MAML2: variants seen among roughly 807,000 people sequenced by gnomAD.
The protein encoded by MAML2 is mastermind-like protein 2.
Under a neutral mutation model 96.1 loss-of-function variants are expected in MAML2, and 22 were observed. The observed-to-expected ratio is 0.23, with a 90% CI of 0.16 to 0.33. MAML2 has a LOEUF of 0.33. MAML2 is among the 10% of genes least tolerant of loss of function. The pLI is 1.00. For synonymous variants in MAML2, 561 were observed against 521.3 expected, an observed-to-expected ratio of 1.08 and a Z score of -1.04; for missense variants, 1,367 against 1,392.4, an observed-to-expected ratio of 0.98 and a Z score of 0.29.
In MAML2 at chr11:96,149,432, A is replaced by AAAAAAAAAAT. The variant is rs59453325; in HGVS notation, c.514-55916_514-55915insATTTTTTTTT. Among the ~76,000 whole-genome samples, 98 of 112,592 alleles carry AAAAAAAAAAT rather than the reference A, an allele frequency of 8.7e-4. 13 individuals are homozygous for AAAAAAAAAAT. Among genetic ancestry groups the AAAAAAAAAAT allele is most frequent in the Non-Finnish European group, 1.1e-3 (66 of 57,538 alleles). 73.9% of individuals were successfully genotyped at this position (112,592 alleles called of 152,430 possible). ...ACTCCGTCACAAAAAAAAAAAAAAA[A>AAAAAAAAAAT]TGAGAAGTTAAGTTTTCAGCCAGGC... On this transcript the variant is annotated intron_variant, in intron 1 of 4. Coordinates refer to ENST00000524717, the MANE Select transcript of MAML2 (RefSeq NM_032427.4).
chr11:96,243,928 A>G (rs903241509), intron 1 of MAML2, among the ~76,000 whole-genome samples: 3 of 152,162 alleles, frequency 2.0e-5, no homozygotes, highest in African/African-American at 7.2e-5. Context: ...GGCGTGAGCC[A>G]CCGCGCCCGG....
intron 2 of MAML2, among the ~76,000 whole-genome samples, chr11:96,009,310 G>A (rs534739779): frequency 7.7e-4 from 117 of 152,208 alleles, no homozygotes; most frequent in African/African-American, 2.6e-3. Flanking sequence ...TGATCTGACA[G>A]CTGGGTTCAT....
chr11:96,210,464 T>A (rs1375039320), intron 1 of MAML2, among the ~76,000 whole-genome samples: 2 of 152,200 alleles, frequency 1.3e-5, no homozygotes, highest in Non-Finnish European at 2.9e-5. Flanking sequence ...ACCAAATGAT[T>A]TATCAGTTAC....
intron 1 of MAML2, among the ~76,000 whole-genome samples, chr11:96,257,866 G>A (rs1591100308): frequency 6.6e-6 from 1 of 152,158 alleles, no homozygotes; most frequent in Admixed American, 6.5e-5. Flanking sequence ...CAAAGGGGAT[G>A]GTGAGGACTG....
In MAML2 at chr11:96,141,676, A is replaced by G. The variant is rs547413805; in HGVS notation, c.514-48159T>C. On this transcript the variant is annotated intron_variant, in intron 1 of 4. Transcript: ENST00000524717. ...CTCCGATTGCCTTCCTTCTCCACAC[A>G]TAAGGACCAGGCCTTAGCAATGGGG... Among the ~76,000 whole-genome samples, 94 of 152,342 alleles carry G rather than the reference A, an allele frequency of 6.2e-4. 1 individual carries two copies. The highest frequency in any genetic ancestry group is 2.1e-3 in the African/African-American group (86 of 41,576).
At chr11:96,164,032 T>C (rs11021454) in intron 1 of MAML2, among the ~76,000 whole-genome samples, 15,617 of 151,104 alleles carry the variant, frequency 0.1, 1,093 homozygotes, top group East Asian at 0.26. Flanking sequence ...GGCTATTTTT[T>C]TTTGTTTTTT....
At chr11:96,164,413 C>T (rs1047774529) in intron 1 of MAML2, among the ~76,000 whole-genome samples, 1 of 152,136 alleles carries the variant, frequency 6.6e-6, no homozygotes, top group East Asian at 1.9e-4. Context: ...GGAACCTGGG[C>T]CTGTCCTTTT....
chr11:96,326,359 G>A (rs559410), intron 1 of MAML2, among the ~76,000 whole-genome samples: 1 of 33,270 alleles, frequency 3.0e-5, no homozygotes, highest in Non-Finnish European at 6.0e-5. Context: ...ACACTAAAGC[G>A]TGTGTGTGTG....
chr11:96,338,286 A>T (rs537712376), intron 1 of MAML2, among the ~76,000 whole-genome samples: 2 of 152,394 alleles, frequency 1.3e-5, no homozygotes, highest in African/African-American at 4.8e-5. Context: ...AGATCTGCTC[A>T]AAGCCCTATA....
At chr11:96,091,213 T>A (rs7104742) in intron 2 of MAML2, among the ~76,000 whole-genome samples, 86,552 of 151,996 alleles carry the variant, frequency 0.57, 25,655 homozygotes, top group African/African-American at 0.68. Flanking sequence ...TAACTCAGAC[T>A]TTGGTTTTCC....
chr11:96,264,681 G>A (rs895252115), intron 1 of MAML2, among the ~76,000 whole-genome samples: 6 of 152,038 alleles, frequency 3.9e-5, no homozygotes, highest in African/African-American at 1.4e-4. Flanking sequence ...AATAACGGAG[G>A]GTCCACAAAT....
chr11:96,252,573 G>A (rs558525866), intron 1 of MAML2, among the ~76,000 whole-genome samples: 5 of 152,004 alleles, frequency 3.3e-5, no homozygotes, highest in East Asian at 1.9e-4. Context: ...CTACAGGCGC[G>A]TGTCACCATG....
chr11:96,039,201 G>C (rs1858765854), intron 2 of MAML2, among the ~76,000 whole-genome samples: 1 of 151,998 alleles, frequency 6.6e-6, no homozygotes, highest in Admixed American at 6.6e-5. Context: ...GTTTCAGGGA[G>C]CCATGATTGC....
At chr11:96,017,336 A>C (rs1206042007) in intron 2 of MAML2, among the ~76,000 whole-genome samples, 1 of 152,106 alleles carries the variant, frequency 6.6e-6, no homozygotes, top group African/African-American at 2.4e-5. Flanking sequence ...ACCAAAGCAC[A>C]CTGAGAGATT....
rs1029072265 is a variant in MAML2 at position 96,078,158 on chromosome 11, T to TA, written c.2139+13733dup. On this transcript the variant is annotated intron_variant, in intron 2 of 4. Transcript: ENST00000524717. ...AAGTGCTCTGTGCACATCTGGGACT[T>TA]ACATTTCTCTCTTGTCCTGCAATTT... Among the ~76,000 whole-genome samples the TA allele has an allele frequency of 2.6e-5, 4 of 152,236 alleles. No individual in the cohort carries two copies. In the East Asian group the frequency reaches 5.8e-4, roughly 22 times the overall value.
At chr11:96,162,808 T>A (rs1249790731) in intron 1 of MAML2, among the ~76,000 whole-genome samples, 1 of 152,100 alleles carries the variant, frequency 6.6e-6, no homozygotes, top group Non-Finnish European at 1.5e-5. Flanking sequence ...CAAGGGGGTC[T>A]GAGGAGGGCT....
intron 2 of MAML2, among the ~76,000 whole-genome samples, chr11:96,079,792 A>T (rs1859503579): frequency 6.6e-6 from 1 of 152,226 alleles, no homozygotes; most frequent in African/African-American, 2.4e-5. Flanking sequence ...AGGGATCCAG[A>T]AACAGGGAAC....
intron 2 of MAML2, among the ~76,000 whole-genome samples, chr11:96,029,913 G>A (rs1858584442): frequency 6.6e-6 from 1 of 152,144 alleles, no homozygotes. Flanking sequence ...AAAGTGTTCA[G>A]CTAATTTTTT....
chr11:96,123,295 T>C (rs1010515520), intron 1 of MAML2, among the ~76,000 whole-genome samples: 7 of 151,008 alleles, frequency 4.6e-5, no homozygotes, highest in African/African-American at 1.7e-4. Flanking sequence ...TTGAGAGACA[T>C]TTACAGTCTT....
Sources: gnomAD v4.1 joint callset for allele counts (sites outside exome capture counted in the v4.1 genomes callset) on GRCh38, gnomAD v4.1.1 for gene constraint, MANE v1.5 for transcripts, NCBI Gene and HGNC (gene_info 2026-07-23, HGNC 2026-07-21) for gene names.